The following RAB44 variants were observed in gnomAD, a reference collection of about 807,000 sequenced individuals.
The protein encoded by RAB44 is ras-related protein Rab-44.
RAB44 carries 67 observed loss-of-function variants against 93.3 expected under a neutral mutation model. The ratio of observed to expected loss-of-function variants is 0.72; its 90% CI spans 0.59 to 0.88. The LOEUF (loss-of-function observed/expected upper bound fraction) is 0.88, where lower values mean the gene tolerates loss of function less well. RAB44 is among the 40% of genes least tolerant of loss of function. RAB44 has a pLI of 0.00. For missense variants in RAB44, 1,064 were observed against 1,261.7 expected (o/e 0.84, Z 2.37); for synonymous variants, 427 against 520.3 (o/e 0.82, Z 2.44).
rs1351933658 is a variant in RAB44, at chr6:36,715,502, A to G, written c.343A>G (p.Ser115Gly). The G allele has an allele frequency of 2.0e-6, 3 of 1,536,058 alleles. No individual in the cohort carries two copies. The Admixed American group carries it at 5.9e-5, about 30-fold the overall frequency. The change falls in exon 4 of 14, where the codon AGC becomes GGC. Residue 115 changes from serine (S) to glycine (G), a missense_variant. Ser to Gly is a moderately conservative substitution (Grantham distance 56, BLOSUM62 0). Coordinates refer to ENST00000612677, the MANE Select transcript of RAB44 (RefSeq NM_001257357.2). Reference protein sequence around the residue: ...GLKNIFGSSQSPHRLRRRKPL... With the variant: ...GLKNIFGSSQGPHRLRRRKPL... ...AGAAAACATCTTTGGCTCCAGCCAGAGCCCCCACAGGCTCCGCAGAAGGAA... is the reference window on the plus strand; with the variant it reads ...AGAAAACATCTTTGGCTCCAGCCAGGGCCCCCACAGGCTCCGCAGAAGGAA...
chr6:36,730,759 G>GGCCGGGCCCC lies in RAB44; in HGVS notation c.2975+10_2975+11insGCCGGGCCCC. 1 of 1,203,334 alleles carries GGCCGGGCCCC rather than the reference G, an allele frequency of 8.3e-7. No homozygotes were observed. The highest frequency in any genetic ancestry group is 1.0e-6 in the Non-Finnish European group (1 of 974,732). The allele number at this position is 1,203,334 out of a possible 1,614,324, so 74.5% of individuals were successfully genotyped here. A position where few individuals can be genotyped will look rare whatever the true frequency, so the allele number is the denominator to read the frequency against. ...TAGTAAACCTGGCCAGGTAAGTGCTGCCCGCCCCCCGCCGCCCCCACCCCC... is the reference window on the plus strand; with the variant it reads ...TAGTAAACCTGGCCAGGTAAGTGCTGGCCGGGCCCCCCCGCCCCCCGCCGCCCCCACCCCC... On this transcript the variant is annotated intron_variant, in intron 13 of 13. Coordinates refer to ENST00000612677, the MANE Select transcript of RAB44 (RefSeq NM_001257357.2).
At chr6:36,712,350 C>T (rs1762809116) in intron 2 of RAB44, among the ~76,000 whole-genome samples, 1 of 152,146 alleles carries the variant, frequency 6.6e-6, no homozygotes. Context: ...GTTCTCCTTC[C>T]CAGTCCCAGT....
intron 2 of RAB44, among the ~76,000 whole-genome samples, chr6:36,708,351 T>C (rs1464490546): frequency 6.6e-6 from 1 of 152,212 alleles, no homozygotes; most frequent in Non-Finnish European, 1.5e-5. Context: ...TAGGAAAGCC[T>C]GAACATCTCT....
chr6:36,726,827 G>A (rs1763249283), intron 10 of RAB44, among the ~76,000 whole-genome samples: 1 of 148,188 alleles, frequency 6.7e-6, no homozygotes, highest in Non-Finnish European at 1.5e-5. Flanking sequence ...TTGAGACAGA[G>A]TCTTGCTCTG....
chr6:36,706,144 C>T (rs1762645013), intron 2 of RAB44, among the ~76,000 whole-genome samples: 1 of 152,126 alleles, frequency 6.6e-6, no homozygotes, highest in South Asian at 2.1e-4. Context: ...AAGCAATCCC[C>T]CCACCTCAGG....
intron 1 of RAB44, among the ~76,000 whole-genome samples, chr6:36,700,782 G>A (rs958276816): frequency 1.3e-5 from 2 of 152,218 alleles, no homozygotes; most frequent in Admixed American, 6.5e-5. Flanking sequence ...GCTACAGGGA[G>A]TCTTTCTTTG....
chr6:36,707,349 G>A (rs1323479065), intron 2 of RAB44, among the ~76,000 whole-genome samples: 1 of 151,334 alleles, frequency 6.6e-6, no homozygotes, highest in East Asian at 1.9e-4. Context: ...AGCAGAGTGA[G>A]GCTCTGTCTC....
In RAB44 at chr6:36,717,118, G is replaced by A. The variant is rs966905858; in HGVS notation, c.495-155G>A. ...GGGAATGGTTCCTGGAGGAGGTGGC[G>A]TTTTAGTTGCATCTTGTAGGGTGTC... On this transcript the variant is annotated intron_variant, in intron 4 of 13. Coordinates refer to ENST00000612677, the MANE Select transcript of RAB44 (RefSeq NM_001257357.2). This position sits in a 1 kb window ranked among gnomAD's most constrained non-coding sequence, Gnocchi z 4.1. Among the ~76,000 whole-genome samples, 25 of 152,298 alleles carry A rather than the reference G, an allele frequency of 1.6e-4. No individual in the cohort carries two copies. The highest frequency in any genetic ancestry group is 5.8e-4 in the East Asian group (3 of 5,180).
rs1190034979 is a variant in RAB44, at chr6:36,704,232, C to T, written c.-4C>T. On this transcript the variant is annotated 5_prime_UTR_variant, in exon 2 of 14. Transcript: ENST00000612677. The stretch of plus-strand genomic sequence containing the variant: ...CACTCCTCTGTCCCCAGGGCCAACG[C>T]ACCATGGAGACTGGACAGAGAACAT... 3 of 1,535,914 alleles carry T rather than the reference C, an allele frequency of 2.0e-6. No homozygotes were observed. The highest frequency in any genetic ancestry group is 3.9e-5 in the Admixed American group (2 of 50,986).
At chr6:36,709,759 G>A (rs1466942766) in intron 2 of RAB44, among the ~76,000 whole-genome samples, 1 of 152,102 alleles carries the variant, frequency 6.6e-6, no homozygotes, top group African/African-American at 2.4e-5. Context: ...GTTTCACCAT[G>A]TTGGCCAAGC....
At chr6:36,730,834 G>A in intron 13 of RAB44, 85 bp downstream of exon 13, 1 of 603,450 alleles carries the variant, frequency 1.7e-6, no homozygotes, top group East Asian at 4.0e-5. Flanking sequence ...TTGACTCCCA[G>A]GTGGGACAGG....
chr6:36,728,281 T>C (rs1763284034), intron 11 of RAB44, among the ~76,000 whole-genome samples: 2 of 152,256 alleles, frequency 1.3e-5, no homozygotes, highest in African/African-American at 2.4e-5. Context: ...CTTCAATTTC[T>C]GGAATTCTCT....
intron 2 of RAB44, among the ~76,000 whole-genome samples, chr6:36,705,644 A>G (rs1582612083): frequency 6.6e-6 from 1 of 152,054 alleles, no homozygotes; most frequent in Non-Finnish European, 1.5e-5. Context: ...CAGCCTCCCA[A>G]AGTGCTGGGA....
At position 36,721,319 on chromosome 6, in the gene RAB44, A is replaced by G; in HGVS notation, c.1185A>G (p.Pro395=). Reference sequence around the variant, plus strand: ...TCTGCTGGAGCCCGCCCCCGACCCCAAGAGCCACCTCAGGCCCCCAGACAC... The same window carrying G: ...TCTGCTGGAGCCCGCCCCCGACCCCGAGAGCCACCTCAGGCCCCCAGACAC... ...LQLCWSPPPT[P]RATSGPQTPR... The change falls in exon 9 of 14, where the codon CCA becomes CCG. Residue 395 remains proline (P), a synonymous_variant. Coordinates refer to ENST00000612677, the MANE Select transcript of RAB44 (RefSeq NM_001257357.2). 1.0e-6 allele frequency: 1 copy of G among 974,196 alleles called. No individual in the cohort carries two copies. Among genetic ancestry groups the G allele is most frequent in the Non-Finnish European group, 1.3e-6 (1 of 787,992 alleles). 60.3% of individuals were successfully genotyped at this position (974,196 alleles called of 1,614,324 possible). A position where few individuals can be genotyped will look rare whatever the true frequency, so the allele number is the denominator to read the frequency against.
intron 2 of RAB44, among the ~76,000 whole-genome samples, chr6:36,706,074 A>G (rs1243708852): frequency 6.6e-6 from 1 of 152,042 alleles, no homozygotes; most frequent in African/African-American, 2.4e-5. Context: ...TGATTCTTAA[A>G]TTTTTTATAA....
At chr6:36,726,051 G>A (rs1259817853) in intron 10 of RAB44, 108 bp downstream of exon 10, 1 of 813,470 alleles carries the variant, frequency 1.2e-6, no homozygotes. Flanking sequence ...TGCCCCCCAA[G>A]GATTCAGGAG....
chr6:36,726,364 G>A (rs925621921), intron 10 of RAB44, among the ~76,000 whole-genome samples: 37 of 152,146 alleles, frequency 2.4e-4, no homozygotes, highest in African/African-American at 8.0e-4. Context: ...TCCTGCTTCA[G>A]CCTCTGAGTA....
chr6:36,699,322 T>A (rs1367491238), intron 1 of RAB44, among the ~76,000 whole-genome samples: 2 of 152,130 alleles, frequency 1.3e-5, no homozygotes, highest in Non-Finnish European at 1.5e-5. Flanking sequence ...GAATGCCACA[T>A]GTCCTAGGAT....
Position 36,732,016 on chromosome 6 carries a change from C to G in RAB44, c.2989C>G (p.Gln997Glu). ...ACTGTCACATAGGTCACTCAGGATGCAAGAAGAAGGCCTGAAGGACTCGCT... is the reference window on the plus strand; with the variant it reads ...ACTGTCACATAGGTCACTCAGGATGGAAGAAGAAGGCCTGAAGGACTCGCT... The part of the protein sequence containing the change: ...VVNLARSLRM[Q>E]EEGLKDSLVK... The change falls in exon 14 of 14, where the codon CAA becomes GAA. Residue 997 changes from glutamine to glutamate, a missense_variant. Physicochemically the swap from Gln to Glu is conservative, Grantham distance 29 (BLOSUM62 2). Transcript: ENST00000612677. 1 of 1,234,300 alleles carries G rather than the reference C, an allele frequency of 8.1e-7. No homozygotes were observed. The highest frequency in any genetic ancestry group is 1.0e-6 in the Non-Finnish European group (1 of 988,214). 76.5% of individuals were successfully genotyped at this position (1,234,300 alleles called of 1,614,324 possible).
Sources: allele counts gnomAD v4.1 joint callset (sites outside exome capture counted in the v4.1 genomes callset), GRCh38; gene constraint gnomAD v4.1.1; non-coding constraint Gnocchi (gnomAD v3.1); transcripts MANE v1.5; gene names NCBI Gene and HGNC (gene_info 2026-07-23, HGNC 2026-07-21).